The following ELOC variants were observed in gnomAD, a reference collection of about 807,000 sequenced individuals.
The protein encoded by ELOC is elongin C.
For missense variants in ELOC, 38 were observed against 139.0 expected, an observed-to-expected ratio of 0.27 and a Z score of 3.65; for synonymous variants, 40 against 51.3, an observed-to-expected ratio of 0.78 and a Z score of 0.94.
intron 1 of ELOC, among the ~76,000 whole-genome samples, chr8:73,968,257 C>T (rs1396673496): frequency 6.6e-6 from 1 of 152,184 alleles, no homozygotes; most frequent in African/African-American, 2.4e-5. Flanking sequence ...AAAGTCCATT[C>T]TGGCTCTATT....
At position 73,945,364 on chromosome 8, in the gene ELOC, C is replaced by T. The variant is rs1407183100; in HGVS notation, c.*1266G>A. The T allele has an allele frequency of 6.6e-6, 1 of 152,002 alleles. No homozygotes were observed. The highest frequency in any genetic ancestry group is 2.4e-5 in the African/African-American group (1 of 41,396). The allele number at this position is 152,002 out of a possible 1,614,324, so 9.4% of individuals were successfully genotyped here. On this transcript the variant is annotated 3_prime_UTR_variant, in exon 4 of 4. Transcript: ENST00000520242. Reference sequence around the variant, plus strand: ...AAACTCCTGGCCTCAAGTGATCTACCCGCCTCGTCCTCTGAAAGTGCTGGG... The same window carrying T: ...AAACTCCTGGCCTCAAGTGATCTACTCGCCTCGTCCTCTGAAAGTGCTGGG...
At chr8:73,970,870 A>AC (rs1281885848) in intron 1 of ELOC, among the ~76,000 whole-genome samples, 5 of 114,136 alleles carry the variant, frequency 4.4e-5, no homozygotes, top group African/African-American at 1.6e-4. Flanking sequence ...AAAACAAAAC[A>AC]AAAAAAAAAC....
At chr8:73,947,149 C>G (rs1188743142) in intron 3 of ELOC, among the ~76,000 whole-genome samples, 1 of 151,992 alleles carries the variant, frequency 6.6e-6, no homozygotes, top group African/African-American at 2.4e-5. Context: ...GCACCACGAC[C>G]GGCTAATTTT....
chr8:73,956,102 TA>T, intron 2 of ELOC, 48 bp from the exon 3 acceptor site: 2 of 1,575,150 alleles, frequency 1.3e-6, no homozygotes, highest in Non-Finnish European at 1.7e-6. Flanking sequence ...CACAGTGTAC[TA>T]AAACTAAACA....
rs1168352864 is a variant in ELOC at position 73,955,946 on chromosome 8, G to A, written c.113C>T (p.Thr38Ile). 1 of 1,613,932 alleles carries A rather than the reference G, an allele frequency of 6.2e-7. No homozygotes were observed. Among genetic ancestry groups the A allele is most frequent in the Admixed American group, 1.7e-5 (1 of 60,002 alleles). ...EFIVKREHAL[T>I]SGTIKAMLSG... ...CAACATGGCTTTTATCGTGCCTGAT[G>A]TTAATGCATGTTCTCTTTTTACAAT... Residue 38 changes from threonine to isoleucine, a missense_variant, in exon 3 of 4, where the codon ACA becomes ATA. Transcript: ENST00000520242.
At chr8:73,964,981 T>G (rs757505422) in intron 1 of ELOC, among the ~76,000 whole-genome samples, 3 of 145,166 alleles carry the variant, frequency 2.1e-5, no homozygotes, top group Non-Finnish European at 4.4e-5. Context: ...CAGGCCATGA[T>G]GGTTCCACTG....
Position 73,951,131 on chromosome 8 carries a change from C to T in ELOC, c.149-4311G>A, listed in dbSNP as rs192825774. Among the ~76,000 whole-genome samples, 672 of 152,066 alleles carry T rather than the reference C, an allele frequency of 4.4e-3. 1 individual carries two copies. The highest frequency in any genetic ancestry group is 0.015 in the African/African-American group (617 of 41,486). On this transcript the variant is annotated intron_variant, in intron 3 of 3. Transcript: ENST00000520242. ...ACTAAAAATACTAAAATTAGCTGGG[C>T]GTGGTGGCGGCATGCCTGTAATACC...
chr8:73,954,223 T>G (rs1813981041), intron 3 of ELOC, among the ~76,000 whole-genome samples: 1 of 152,078 alleles, frequency 6.6e-6, no homozygotes, highest in African/African-American at 2.4e-5. Context: ...GGAGCTTGCT[T>G]TTGGAGTAAT....
intron 1 of ELOC, chr8:73,964,413 ATT>A (rs1814831739): frequency 6.6e-6 from 1 of 152,190 alleles, no homozygotes; most frequent in Non-Finnish European, 1.5e-5. Flanking sequence ...ACAAAAATCA[ATT>A]TCAGATGGTT....
chr8:73,946,471 C>T lies in ELOC; in HGVS notation c.*159G>A, dbSNP rs1813389584. ...TGTTGATGTAGCAAACAAATTTCAA[C>T]TTTGATTGCTATGCAAAAAAACAAG... On this transcript the variant is annotated 3_prime_UTR_variant, in exon 4 of 4. Transcript: ENST00000520242. 1 of 517,342 alleles carries T rather than the reference C, an allele frequency of 1.9e-6. No individual in the cohort carries two copies. Among genetic ancestry groups the T allele is most frequent in the Non-Finnish European group, 3.2e-6 (1 of 310,166 alleles). The allele number at this position is 517,342 out of a possible 1,614,324, so 32.0% of individuals were successfully genotyped here. A position where few individuals can be genotyped will look rare whatever the true frequency, so the allele number is the denominator to read the frequency against.
At chr8:73,961,957 G>A (rs1814635367) in intron 1 of ELOC, among the ~76,000 whole-genome samples, 7 of 152,036 alleles carry the variant, frequency 4.6e-5, no homozygotes, top group African/African-American at 1.4e-4. Flanking sequence ...GTGCAGTGGC[G>A]TGATCTTGGC....
chr8:73,948,103 A>G (rs1459658770), intron 3 of ELOC, among the ~76,000 whole-genome samples: 19 of 151,896 alleles, frequency 1.3e-4, no homozygotes, highest in Admixed American at 1.3e-3. Flanking sequence ...GAGGCAGGAG[A>G]ATTTCTTGAA....
chr8:73,972,020 C>T (rs4738406), intron 1 of ELOC, 57 bp downstream of exon 1: 33,393 of 152,230 alleles, frequency 0.22, 4,158 homozygotes, highest in Non-Finnish European at 0.28. Flanking sequence ...CCGTCTCGGC[C>T]TCCCTCGCCC....
intron 3 of ELOC, among the ~76,000 whole-genome samples, chr8:73,949,140 C>T (rs1813582248): frequency 6.6e-6 from 1 of 152,156 alleles, no homozygotes; most frequent in African/African-American, 2.4e-5. Flanking sequence ...TTCACATCTA[C>T]AAATATACTT....
At chr8:73,958,017 C>A (rs1324048310) in intron 2 of ELOC, among the ~76,000 whole-genome samples, 8 of 151,938 alleles carry the variant, frequency 5.3e-5, no homozygotes, top group Middle Eastern at 3.2e-3. Flanking sequence ...CTCAAGTGAT[C>A]CACCTGCCTT....
intron 3 of ELOC, 72 bp downstream of exon 3, chr8:73,955,839 T>G (rs1814140955): frequency 7.0e-7 from 1 of 1,422,990 alleles, no homozygotes. Flanking sequence ...TGCTGAATCA[T>G]TAATTCAACT....
intron 3 of ELOC, among the ~76,000 whole-genome samples, chr8:73,952,704 C>T (rs1468244072): frequency 2.7e-5 from 4 of 150,312 alleles, no homozygotes; most frequent in South Asian, 2.1e-4. Context: ...TGGCATGAAA[C>T]TGGGAGGTGG....
intron 1 of ELOC, among the ~76,000 whole-genome samples, chr8:73,961,761 C>T (rs1339722354): frequency 6.6e-6 from 1 of 151,350 alleles, no homozygotes; most frequent in Admixed American, 6.6e-5. Context: ...GATCCACTTG[C>T]CTCAGCCTCC....
intron 2 of ELOC, among the ~76,000 whole-genome samples, chr8:73,958,798 A>C (rs528638424): frequency 6.6e-6 from 1 of 152,322 alleles, no homozygotes; most frequent in South Asian, 2.1e-4. Context: ...CCTGTCGGGA[A>C]TATATAGTCA....
Sources: allele counts gnomAD v4.1 joint callset (sites outside exome capture counted in the v4.1 genomes callset), GRCh38; gene constraint gnomAD v4.1.1; transcripts MANE v1.5; gene names NCBI Gene and HGNC (gene_info 2026-07-23, HGNC 2026-07-21).